Variants in MEGF9 observed in about 807,000 individuals in gnomAD.
MEGF9 encodes multiple EGF like domains 9.
Under a neutral mutation model 46.8 loss-of-function variants are expected in MEGF9, and 6 were observed. The ratio of observed to expected loss-of-function variants is 0.13; its 90% CI spans 0.07 to 0.25. The LOEUF (loss-of-function observed/expected upper bound fraction) is 0.25, where lower values mean the gene tolerates loss of function less well. MEGF9 is among the 10% of genes least tolerant of loss of function. MEGF9 has a pLI of 1.00. For synonymous variants in MEGF9, 302 were observed against 330.7 expected (o/e 0.91, Z 0.94); for missense variants, 683 against 792.4 (o/e 0.86, Z 1.66).
intron 2 of MEGF9, among the ~76,000 whole-genome samples, chr9:120,637,307 C>T (rs964358178): frequency 2.6e-5 from 4 of 151,992 alleles, no homozygotes; most frequent in African/African-American, 9.7e-5. Flanking sequence ...GGGTCCTCTG[C>T]CTAGGAAAAC....
At chr9:120,657,679 A>G (rs73552137) in intron 2 of MEGF9, among the ~76,000 whole-genome samples, 8,896 of 152,244 alleles carry the variant, frequency 0.058, 861 homozygotes, top group African/African-American at 0.2. Flanking sequence ...AGCATGTTTT[A>G]GGGGGAGTGG....
chr9:120,619,016 CT>C (rs2043485760), intron 3 of MEGF9, among the ~76,000 whole-genome samples: 1 of 151,766 alleles, frequency 6.6e-6, no homozygotes, highest in African/African-American at 2.4e-5. Flanking sequence ...TACCTTGCTT[CT>C]TTCACTTTCT....
intron 1 of MEGF9, among the ~76,000 whole-genome samples, chr9:120,710,329 GAGGAGAA>G (rs2043947452): frequency 6.6e-6 from 1 of 150,816 alleles, no homozygotes; most frequent in African/African-American, 2.4e-5. Flanking sequence ...TTGGAAGACT[GAGGAGAA>G]TCGCTTGAAC....
Position 120,607,742 on chromosome 9 carries a change from T to C in MEGF9, c.1356A>G (p.Lys452=), listed in dbSNP as rs1248110235. Residue 452 remains lysine, a splice_region_variant and synonymous_variant, in exon 5 of 6, where the codon AAA becomes AAG. Coordinates refer to ENST00000373930, the MANE Select transcript of MEGF9 (RefSeq NM_001080497.3). The part of the protein sequence containing the change: ...VHDLEGNCIK[K]EVILPTPEGS... ...ACAATCACTTAGGTGAAGTTTTACC[T>C]TTCTTGATGCAATTTCCCTCGAGGT... 6.2e-7 allele frequency: 1 copy of C among 1,609,050 alleles called. No homozygotes were observed.
intron 1 of MEGF9, among the ~76,000 whole-genome samples, chr9:120,706,321 T>C (rs566641972): frequency 8.9e-4 from 135 of 152,266 alleles, no homozygotes; most frequent in African/African-American, 3.2e-3. Flanking sequence ...TTGAAACTAA[T>C]GTTCTGGAGT....
chr9:120,629,575 T>A (rs1587978141), intron 2 of MEGF9, among the ~76,000 whole-genome samples: 1 of 151,484 alleles, frequency 6.6e-6, no homozygotes, highest in Non-Finnish European at 1.5e-5. Flanking sequence ...GAGGCGGAGG[T>A]TGTTGCAGTG....
intron 4 of MEGF9, among the ~76,000 whole-genome samples, chr9:120,611,786 G>A (rs2043446227): frequency 1.4e-5 from 2 of 147,184 alleles, no homozygotes; most frequent in African/African-American, 5.1e-5. Flanking sequence ...TAAACAGACA[G>A]GGAGAAAAGA....
At chr9:120,630,797 G>A (rs2043547338) in intron 2 of MEGF9, among the ~76,000 whole-genome samples, 1 of 152,140 alleles carries the variant, frequency 6.6e-6, no homozygotes, top group Non-Finnish European at 1.5e-5. Context: ...GTTTTTGTTT[G>A]AGAAATGTTA....
At chr9:120,621,015 AT>A (rs1040501946) in intron 3 of MEGF9, among the ~76,000 whole-genome samples, 1 of 151,776 alleles carries the variant, frequency 6.6e-6, no homozygotes, top group Non-Finnish European at 1.5e-5. Context: ...GTGTGTCCTG[AT>A]TTTTTTTGCT....
chr9:120,700,215 A>G (rs1173149676), intron 1 of MEGF9, among the ~76,000 whole-genome samples: 1 of 152,236 alleles, frequency 6.6e-6, no homozygotes, highest in Non-Finnish European at 1.5e-5. Flanking sequence ...AATAACTCAA[A>G]AAGTGAATAG....
chr9:120,608,500 C>T (rs2132297338), intron 4 of MEGF9, among the ~76,000 whole-genome samples: 1 of 152,280 alleles, frequency 6.6e-6, no homozygotes, highest in Non-Finnish European at 1.5e-5. Flanking sequence ...AATGTGGGTA[C>T]TCTGCAGACT....
At chr9:120,699,423 T>A (rs1448160769) in intron 1 of MEGF9, among the ~76,000 whole-genome samples, 1 of 152,094 alleles carries the variant, frequency 6.6e-6, no homozygotes, top group African/African-American at 2.4e-5. Flanking sequence ...ATTTTTATAA[T>A]TGTAAAAAAA....
chr9:120,617,216 C>A (rs1471004664), intron 3 of MEGF9, among the ~76,000 whole-genome samples: 1 of 152,026 alleles, frequency 6.6e-6, no homozygotes, highest in East Asian at 1.9e-4. Flanking sequence ...GTAGAGATAA[C>A]CAAGAAAATA....
At chr9:120,651,527 T>C (rs2043649419) in intron 2 of MEGF9, among the ~76,000 whole-genome samples, 1 of 152,174 alleles carries the variant, frequency 6.6e-6, no homozygotes, top group African/African-American at 2.4e-5. Flanking sequence ...GTCTACATTA[T>C]ATGGTTGCTA....
intron 1 of MEGF9, among the ~76,000 whole-genome samples, chr9:120,672,810 G>C (rs1290400209): frequency 2.0e-5 from 3 of 152,010 alleles, no homozygotes; most frequent in African/African-American, 7.3e-5. Context: ...GATCACCTGA[G>C]GTCAGGAGTT....
rs1564411706 is a variant in MEGF9, at chr9:120,611,864, A to AAGG, written c.1087+531_1087+532insCCT. The stretch of plus-strand genomic sequence containing the variant: ...GGAAGGAAGGAAGGAAGGAAGGAAG[A>AAGG]AAGAGAGAGAGAGAGAGAGAGAAAG... On this transcript the variant is annotated intron_variant, in intron 4 of 5. Coordinates refer to ENST00000373930, the MANE Select transcript of MEGF9 (RefSeq NM_001080497.3). Among the ~76,000 whole-genome samples, 10 of 124,900 alleles carry AAGG rather than the reference A, an allele frequency of 8.0e-5. No individual in the cohort carries two copies. In the East Asian group the frequency reaches 2.7e-3, roughly 34 times the overall value. The allele number at this position is 124,900 out of a possible 152,430, so 81.9% of individuals were successfully genotyped here.
intron 2 of MEGF9, among the ~76,000 whole-genome samples, chr9:120,624,848 G>A (rs1384583770): frequency 6.9e-6 from 1 of 145,036 alleles, no homozygotes; most frequent in Non-Finnish European, 1.5e-5. Flanking sequence ...ATTCCAGCTT[G>A]GGTGACAGAG....
chr9:120,714,425 A>G lies in MEGF9; in HGVS notation c.-67T>C, dbSNP rs1352072707. The G allele has an allele frequency of 1.2e-5, 14 of 1,198,268 alleles. No individual in the cohort carries two copies. Among genetic ancestry groups the G allele is most frequent in the Non-Finnish European group, 1.5e-5 (14 of 951,404 alleles). The allele number at this position is 1,198,268 out of a possible 1,614,324, so 74.2% of individuals were successfully genotyped here. ...CAATCCGACCAAGGAAGCCTCCGCA[A>G]CCGCCGCCGCCACCGCCACCGGGCG... On this transcript the variant is annotated 5_prime_UTR_variant, in exon 1 of 6. Transcript: ENST00000373930.
intron 2 of MEGF9, among the ~76,000 whole-genome samples, chr9:120,634,341 A>G (rs995432538): frequency 6.6e-6 from 1 of 151,292 alleles, no homozygotes; most frequent in Admixed American, 6.6e-5. Flanking sequence ...TCACTATATA[A>G]TGACCTTTTT....
Sources: allele counts gnomAD v4.1 joint callset (sites outside exome capture counted in the v4.1 genomes callset), GRCh38; gene constraint gnomAD v4.1.1; transcripts MANE v1.5; gene names NCBI Gene and HGNC (gene_info 2026-07-23, HGNC 2026-07-21).